The following KCNC4 variants were observed in gnomAD, a reference collection of about 807,000 sequenced individuals.
KCNC4 encodes potassium voltage-gated channel subfamily C member 4.
KCNC4 carries 23 observed loss-of-function variants against 42.8 expected under a neutral mutation model. The ratio of observed to expected loss-of-function variants is 0.54; its 90% confidence interval spans 0.39 to 0.76. KCNC4 has a LOEUF of 0.76. Among genes scored for constraint, KCNC4 ranks in the 30% least tolerant of loss-of-function variants. KCNC4 has a pLI of 0.00. For missense variants in KCNC4, 751 were observed against 898.2 expected, an observed-to-expected ratio of 0.84 and a Z score of 2.10; for synonymous variants, 422 against 393.5, an observed-to-expected ratio of 1.07 and a Z score of -0.86.
At chr1:110,222,921 C>A in intron 1 of KCNC4, 43 bp from the exon 2 acceptor site, 1 of 1,493,842 alleles carries the variant, frequency 6.7e-7, no homozygotes, top group Non-Finnish European at 9.3e-7. Context: ...GCCCATCCAT[C>A]CCTGTCTGAC....
At chr1:110,255,100 G>C (rs1049119203) in intron 1 of KCNC4, among the ~76,000 whole-genome samples, 2 of 152,252 alleles carry the variant, frequency 1.3e-5, no homozygotes, top group Non-Finnish European at 2.9e-5. Flanking sequence ...ACTCTGGTGA[G>C]AGCAGGGAAC....
rs539117798 is a variant in KCNC4 at position 110,210,343 on chromosome 1, G to A, written c.-1157G>A. Among the ~76,000 whole-genome samples the A allele has an allele frequency of 6.6e-6, 1 of 151,656 alleles. No homozygotes were observed. The highest frequency in any genetic ancestry group is 2.4e-5 in the African/African-American group (1 of 41,362). On this transcript the variant is annotated 5_prime_UTR_variant, in exon 1 of 4. Transcript: ENST00000438661. ...GGGCGTGGCGGCCGCTGCCAGCGCC[G>A]GAGGGAGACCATGAGCCCCTAGGGC...
chr1:110,223,292 C>T lies in KCNC4; in HGVS notation c.1007C>T (p.Ser336Phe), dbSNP rs1417916529. 1.2e-6 allele frequency: 2 copies of T among 1,614,084 alleles called. No individual in the cohort carries two copies. The highest frequency in any genetic ancestry group is 1.7e-6 in the Non-Finnish European group (2 of 1,180,044). ...YLEVGLSGLS[S>F]KAARDVLGFL... is the part of the protein sequence containing the mutation. ...GAGGTGGGGCTGAGCGGCCTGTCAT[C>T]CAAGGCGGCCCGCGACGTGCTGGGC... Residue 336 changes from serine to phenylalanine, a missense_variant, in exon 2 of 4, where the codon TCC becomes TTC. This residue lies in a region of KCNC4 where 185 missense variants were observed against 293.7 expected (regional missense o/e 0.63). Transcript: ENST00000438661. This position sits in a 1 kb window ranked among gnomAD's most constrained non-coding sequence, Gnocchi z 7.5.
intron 1 of KCNC4, chr1:110,222,728 G>A: frequency 1.9e-6 from 1 of 530,814 alleles, no homozygotes; most frequent in South Asian, 2.4e-5. Flanking sequence ...AGTGTTTCCA[G>A]CCAAGAGCAG....
At chr1:110,216,486 A>G (rs1657801080) in intron 1 of KCNC4, among the ~76,000 whole-genome samples, 2 of 152,154 alleles carry the variant, frequency 1.3e-5, no homozygotes, top group Admixed American at 1.3e-4. Context: ...CTTGTTCTGA[A>G]CAGATCAACA....
chr1:110,228,298 C>T (rs984625854), intron 3 of KCNC4, among the ~76,000 whole-genome samples: 1 of 152,108 alleles, frequency 6.6e-6, no homozygotes, highest in African/African-American at 2.4e-5. Context: ...CTTTGTCTAG[C>T]TGGGCTATCA....
intron 1 of KCNC4, among the ~76,000 whole-genome samples, chr1:110,265,729 G>A (rs1464326183): frequency 6.6e-6 from 1 of 152,224 alleles, no homozygotes; most frequent in Non-Finnish European, 1.5e-5. Context: ...GGCCCTTGGA[G>A]GTGGGTAGGA....
exon 4 of KCNC4, chr1:110,243,000 CTT>C (rs1237443414): frequency 6.6e-6 from 1 of 152,194 alleles, no homozygotes; most frequent in Non-Finnish European, 1.5e-5. Context: ...GGGCAAATGA[CTT>C]AACCTTTCTA....
At position 110,233,030 on chromosome 1, in the gene KCNC4, A is replaced by G; in HGVS notation, c.*58A>G. On this transcript the variant is annotated 3_prime_UTR_variant, in exon 4 of 4. Transcript: ENST00000438661. ...GACAGAAAGCCAGAGGCTTAGGGAAACTCTGGAACCCAGACAAGAATCTTT... is the reference window on the plus strand; with the variant it reads ...GACAGAAAGCCAGAGGCTTAGGGAAGCTCTGGAACCCAGACAAGAATCTTT... 3.2e-6 allele frequency: 5 copies of G among 1,564,158 alleles called. No individual in the cohort carries two copies. Among genetic ancestry groups the G allele is most frequent in the Non-Finnish European group, 4.3e-6 (5 of 1,149,832 alleles).
In KCNC4 at chr1:110,211,952, C is replaced by T; in HGVS notation, c.453C>T (p.His151=). Residue 151 remains histidine, a synonymous_variant, in exon 1 of 4, where the codon CAC becomes CAT. Transcript: ENST00000438661. The surrounding 1 kb of genome is among the most constrained non-coding windows in gnomAD (Gnocchi z 6.5). Reference sequence around the variant, plus strand: ...GCTGCTGGATGACCTACCGGCAGCACCGCGACGCCGAGGAGGCGCTCGACA... The same window carrying T: ...GCTGCTGGATGACCTACCGGCAGCATCGCGACGCCGAGGAGGCGCTCGACA... ...EPCCWMTYRQ[H]RDAEEALDIF... is the part of the protein sequence containing the mutation. 1 of 1,611,356 alleles carries T rather than the reference C, an allele frequency of 6.2e-7. No individual in the cohort carries two copies. Among genetic ancestry groups the T allele is most frequent in the Non-Finnish European group, 8.5e-7 (1 of 1,179,736 alleles).
At chr1:110,277,202 G>A (rs1468162385) in intron 1 of KCNC4, among the ~76,000 whole-genome samples, 14 of 152,218 alleles carry the variant, frequency 9.2e-5, no homozygotes, top group Non-Finnish European at 5.9e-5. Flanking sequence ...TTCAGGGCCA[G>A]CCAAATGCCT....
At position 110,255,218 on chromosome 1, in the gene KCNC4, G is replaced by A. The variant is rs567968393; in HGVS notation, n.31-27316G>A. Among the ~76,000 whole-genome samples the A allele has an allele frequency of 6.0e-4, 92 of 152,304 alleles. 1 individual carries two copies. The highest frequency in any genetic ancestry group is 1.5e-4 in the Non-Finnish European group (10 of 68,026). ...CAAATGAGCAAATGCCTAGATCGTC[G>A]GAGTTGGACAAACAAGTTCCCTAGA... is the stretch of plus-strand genomic sequence containing the variant. On this transcript the variant is annotated intron_variant and non_coding_transcript_variant, in intron 1 of 2. Coordinates refer to the KCNC4 transcript ENST00000412512.
Position 110,211,551 on chromosome 1 carries a change from A to G in KCNC4, c.52A>G (p.Lys18Glu). Reference sequence around the variant, plus strand: ...CTACCGCGGGCGCAAGTCGGGGAACAAGCCTCCGTCCAAAACATGTCTGAA... The same window carrying G: ...CTACCGCGGGCGCAAGTCGGGGAACGAGCCTCCGTCCAAAACATGTCTGAA... Reference protein sequence around the residue: ...SSYRGRKSGNKPPSKTCLKEE... With the variant: ...SSYRGRKSGNEPPSKTCLKEE... The change falls in exon 1 of 4, where the codon AAG (lysine) becomes GAG (glutamate). Residue 18 changes from lysine to glutamate, a missense_variant. By Grantham distance (56) the Lys-to-Glu change is moderately conservative. This residue lies in a region of KCNC4 where 183 missense variants were observed against 255.8 expected (regional missense o/e 0.72). Transcript: ENST00000438661. The surrounding 1 kb of genome is among the most constrained non-coding windows in gnomAD (Gnocchi z 6.5). The G allele has an allele frequency of 6.2e-7, 1 of 1,614,070 alleles. No homozygotes were observed. The highest frequency in any genetic ancestry group is 1.1e-5 in the South Asian group (1 of 91,088).
intron 3 of KCNC4, among the ~76,000 whole-genome samples, chr1:110,228,332 G>T (rs1045507300): frequency 6.6e-6 from 1 of 152,150 alleles, no homozygotes; most frequent in African/African-American, 2.4e-5. Flanking sequence ...AAGCTTACCT[G>T]GGGGCAGGAC....
At chr1:110,228,247 C>T (rs1157476777) in intron 3 of KCNC4, among the ~76,000 whole-genome samples, 2 of 152,144 alleles carry the variant, frequency 1.3e-5, no homozygotes, top group Non-Finnish European at 2.9e-5. Context: ...CTAATTAGGG[C>T]TTCTTAGAGT....
intron 1 of KCNC4, among the ~76,000 whole-genome samples, chr1:110,257,720 C>CAAAAA (rs56333861): frequency 0.013 from 1,172 of 90,884 alleles, 55 homozygotes; most frequent in African/African-American, 0.027. Flanking sequence ...GACTCCGTCT[C>CAAAAA]AAAAAAAAAA....
At chr1:110,241,439 G>C (rs1390213680) in exon 4 of KCNC4, 1 of 152,130 alleles carries the variant, frequency 6.6e-6, no homozygotes, top group Non-Finnish European at 1.5e-5. Context: ...TGTTCTCTGT[G>C]ATAGGAAGTC....
chr1:110,236,607 G>A (rs1299910758), downstream of KCNC4: 1 of 152,162 alleles, frequency 6.6e-6, no homozygotes, highest in East Asian at 1.9e-4. Flanking sequence ...ATGTCCTCTT[G>A]GGATTCATTC....
At chr1:110,232,632 C>A (rs1423365582) in intron 3 of KCNC4, 2 of 1,441,980 alleles carry the variant, frequency 1.4e-6, no homozygotes, top group African/African-American at 2.9e-5. Context: ...CCTGAGTCAC[C>A]AGAGTTGGGT....
Sources: gnomAD v4.1 joint callset for allele counts (sites outside exome capture counted in the v4.1 genomes callset) on GRCh38, gnomAD v4.1.1 for gene constraint, gnomAD v4.1.1 regional missense constraint, Gnocchi (gnomAD v3.1) non-coding constraint, MANE v1.5 for transcripts, NCBI Gene and HGNC (gene_info 2026-07-23, HGNC 2026-07-21) for gene names.